Variants in RBM23 observed in about 807,000 individuals in gnomAD.
RBM23 encodes probable RNA-binding protein 23.
Under a neutral mutation model 56.2 loss-of-function variants are expected in RBM23, and 53 were observed. The observed-to-expected ratio is 0.94, with a 90% CI of 0.76 to 1.19. RBM23 has a LOEUF of 1.19. Ranked by LOEUF, RBM23 falls within the 50% of genes most tolerant of loss-of-function variation. The pLI is 0.00. For synonymous variants in RBM23, 197 were observed against 198.5 expected (o/e 0.99, Z 0.06); for missense variants, 642 against 590.3 (o/e 1.09, Z -0.91).
At chr14:22,913,792 T>C (rs2042998118) in intron 1 of RBM23, 1 of 151,492 alleles carries the variant, frequency 6.6e-6, no homozygotes, top group Non-Finnish European at 1.5e-5. Flanking sequence ...GAGGTTGCAA[T>C]GAGCCGAGAA....
chr14:22,903,279 A>G, intron 10 of RBM23: 1 of 985,472 alleles, frequency 1.0e-6, no homozygotes, highest in Non-Finnish European at 1.2e-6. Flanking sequence ...TGGTACAAAG[A>G]GGATTCCCAG....
intron 1 of RBM23, among the ~76,000 whole-genome samples, chr14:22,917,968 G>A (rs977442203): frequency 5.9e-5 from 9 of 152,158 alleles, no homozygotes; most frequent in African/African-American, 1.4e-4. Flanking sequence ...TGATGGTAGC[G>A]CCATCCCCAG....
At chr14:22,905,308 C>G in intron 7 of RBM23, 28 bp downstream of exon 7, 1 of 1,613,982 alleles carries the variant, frequency 6.2e-7, no homozygotes, top group African/African-American at 1.3e-5. Flanking sequence ...CTAAGCTACT[C>G]AGAAGAAAAC....
In RBM23 at chr14:22,900,239, C is replaced by G. The variant is rs1336754367; in HGVS notation, c.*1491G>C. The G allele has an allele frequency of 6.6e-6, 1 of 152,082 alleles. No homozygotes were observed. Among genetic ancestry groups the G allele is most frequent in the African/African-American group, 2.4e-5 (1 of 41,352 alleles). The allele number at this position is 152,082 out of a possible 1,614,324, so 9.4% of individuals were successfully genotyped here. ...CCCTTTGGATATTGGATTGGGATCG[C>G]TACTACAAAGAGGGTCAAAGGCAGG... On this transcript the variant is annotated 3_prime_UTR_variant, in exon 14 of 14. Coordinates refer to ENST00000359890, the MANE Select transcript of RBM23 (RefSeq NM_001077351.2).
rs139323201 is a variant in RBM23, at chr14:22,905,602, C to A, written c.455+4G>T. On this transcript the variant is annotated splice_donor_region_variant and intron_variant, in intron 6 of 13. Transcript: ENST00000359890. ...CCCTAAAACAGTGTTCATTATCAAC[C>A]CACCTGACTGGGCTCTTCTCTCTGA... The A allele has an allele frequency of 3.4e-3, 5,481 of 1,610,620 alleles. 10 individuals are homozygous for A. The highest frequency in any genetic ancestry group is 4.3e-3 in the Non-Finnish European group (5,091 of 1,176,714).
intron 1 of RBM23, among the ~76,000 whole-genome samples, chr14:22,913,508 T>C (rs562191543): frequency 6.6e-6 from 1 of 151,754 alleles, no homozygotes; most frequent in Non-Finnish European, 1.5e-5. Flanking sequence ...ACACCTGTAA[T>C]CCCAGCACCG....
intron 3 of RBM23, 175 bp from the exon 4 acceptor site, chr14:22,908,555 G>T (rs1402997683): frequency 1.7e-6 from 1 of 586,230 alleles, no homozygotes; most frequent in East Asian, 3.5e-5. Flanking sequence ...ATCATGCCCA[G>T]CTAATTTTTT....
chr14:22,899,168 C>T lies in RBM23; in HGVS notation c.*2562G>A, dbSNP rs539391304. 1 of 152,204 alleles carries T rather than the reference C, an allele frequency of 6.6e-6. No individual in the cohort carries two copies. The highest frequency in any genetic ancestry group is 1.5e-5 in the Non-Finnish European group (1 of 68,040). 9.4% of individuals were successfully genotyped at this position (152,204 alleles called of 1,614,324 possible). A position where few individuals can be genotyped will look rare whatever the true frequency, so the allele number is the denominator to read the frequency against. ...GAAGATGGGGCTTAATACGAGGTGA[C>T]TGAGTCACAAGGACAGAGCCCTCAT... On this transcript the variant is annotated 3_prime_UTR_variant, in exon 14 of 14. Coordinates refer to ENST00000359890, the MANE Select transcript of RBM23 (RefSeq NM_001077351.2).
At chr14:22,901,919 C>A (rs756615201) in intron 12 of RBM23, 36 bp from the exon 13 acceptor site, 8 of 1,613,564 alleles carry the variant, frequency 5.0e-6, no homozygotes, top group Non-Finnish European at 6.8e-6. Flanking sequence ...TGAGCAAGCA[C>A]CGCGCACTCC....
chr14:22,908,423 GAGAA>G (rs1403362727), intron 3 of RBM23, 43 bp from the exon 4 acceptor site: 3 of 1,522,348 alleles, frequency 2.0e-6, no homozygotes, highest in Admixed American at 2.0e-5. Context: ...TTTTAATTTT[GAGAA>G]AGAATCTCGC....
intron 1 of RBM23, among the ~76,000 whole-genome samples, chr14:22,914,559 A>G (rs1404338090): frequency 1.3e-5 from 2 of 152,130 alleles, no homozygotes; most frequent in African/African-American, 4.8e-5. Context: ...AAAACGCATG[A>G]AAGTGTACAC....
Position 22,905,139 on chromosome 14 carries a change from A to T in RBM23, c.681T>A (p.Thr227=). ...IQSVPLAIGL[T]GQRLLGVPII... is the part of the protein sequence containing the mutation. The stretch of plus-strand genomic sequence containing the variant: ...TAGGCACTCCCAGCAACCGCTGCCC[A>T]GTCAGCCCAATGGCCAGTGGCACAG... The change falls in exon 8 of 14, where the codon ACT becomes ACA. Residue 227 remains threonine, a synonymous_variant. Coordinates refer to ENST00000359890, the MANE Select transcript of RBM23 (RefSeq NM_001077351.2). 6.2e-7 allele frequency: 1 copy of T among 1,614,228 alleles called. No homozygotes were observed. Among genetic ancestry groups the T allele is most frequent in the East Asian group, 2.2e-5 (1 of 44,892 alleles).
In RBM23 at chr14:22,898,188, C is replaced by T. The variant is rs541712462; in HGVS notation, c.*3542G>A. ...CAAGCCTCTGCTTCTACTGGTAACT[C>T]CTATCTGGGGGTTGTTGGGAGTCTG... On this transcript the variant is annotated 3_prime_UTR_variant, in exon 14 of 14. Transcript: ENST00000359890. 2.6e-5 allele frequency: 4 copies of T among 152,336 alleles called. No homozygotes were observed. Among genetic ancestry groups the T allele is most frequent in the Non-Finnish European group, 4.4e-5 (3 of 68,044 alleles). The allele number at this position is 152,336 out of a possible 1,614,324, so 9.4% of individuals were successfully genotyped here.
chr14:22,915,834 C>T (rs1271200458), intron 1 of RBM23, among the ~76,000 whole-genome samples: 1 of 152,168 alleles, frequency 6.6e-6, no homozygotes, highest in Non-Finnish European at 1.5e-5. Context: ...ATTTAGCAAT[C>T]AAAGGTAACA....
In RBM23 at chr14:22,905,258, G is replaced by C. The variant is rs565320655; in HGVS notation, c.574-12C>G. 1 of 1,613,736 alleles carries C rather than the reference G, an allele frequency of 6.2e-7. No homozygotes were observed. The highest frequency in any genetic ancestry group is 8.5e-7 in the Non-Finnish European group (1 of 1,179,858). ...CGTACATCGCGAACCTATCCAGGACGCAAAAGAAATCCTGAGTTAGGCATA... is the reference window on the plus strand; with the variant it reads ...CGTACATCGCGAACCTATCCAGGACCCAAAAGAAATCCTGAGTTAGGCATA... On this transcript the variant is annotated splice_polypyrimidine_tract_variant and intron_variant, in intron 7 of 13. Coordinates refer to ENST00000359890, the MANE Select transcript of RBM23 (RefSeq NM_001077351.2).
intron 5 of RBM23, 131 bp from the exon 6 acceptor site, chr14:22,905,790 C>G: frequency 1.3e-6 from 1 of 754,822 alleles, no homozygotes. Context: ...CCGCTGTCAC[C>G]CAGGCTGGAG....
Position 22,893,801 on chromosome 14 carries a change from C to T in RBM23, c.*7929G>A, listed in dbSNP as rs552768699. 1 of 152,198 alleles carries T rather than the reference C, an allele frequency of 6.6e-6. No individual in the cohort carries two copies. Among genetic ancestry groups the T allele is most frequent in the Admixed American group, 6.5e-5 (1 of 15,280 alleles). The allele number at this position is 152,198 out of a possible 1,614,324, so 9.4% of individuals were successfully genotyped here. ...ATACTGCTTCTCAGGCCTTTATCAT[C>T]TCGGTGACTCCCTGATGGATATGCT... On this transcript the variant is annotated 3_prime_UTR_variant, in exon 14 of 14. Coordinates refer to ENST00000359890, the MANE Select transcript of RBM23 (RefSeq NM_001077351.2).
In RBM23 at chr14:22,897,144, T is replaced by C. The variant is rs1461241982; in HGVS notation, c.*4586A>G. ...GGGCAGCCTTTGGAAAGCCTGGTGC[T>C]GACTTTAACACTTTAATGAACAGCA... On this transcript the variant is annotated 3_prime_UTR_variant, in exon 14 of 14. Coordinates refer to ENST00000359890, the MANE Select transcript of RBM23 (RefSeq NM_001077351.2). 1 of 152,248 alleles carries C rather than the reference T, an allele frequency of 6.6e-6. No homozygotes were observed. Among genetic ancestry groups the C allele is most frequent in the East Asian group, 1.9e-4 (1 of 5,204 alleles). 9.4% of individuals were successfully genotyped at this position (152,248 alleles called of 1,614,324 possible).
At chr14:22,903,131 G>A (rs911193202) in intron 10 of RBM23, 105 of 985,256 alleles carry the variant, frequency 1.1e-4, no homozygotes, top group Non-Finnish European at 1.2e-4. Context: ...CCAGGCTTAA[G>A]AGGGAACACA....
Sources: allele counts gnomAD v4.1 joint callset (sites outside exome capture counted in the v4.1 genomes callset), GRCh38; gene constraint gnomAD v4.1.1; transcripts MANE v1.5; gene names NCBI Gene and HGNC (gene_info 2026-07-23, HGNC 2026-07-21).